DNAH7: variants seen among roughly 807,000 people sequenced by gnomAD.
DNAH7 encodes the protein dynein axonemal heavy chain 7, also known as axonemal beta dynein heavy chain 7.
DNAH7 carries 397 observed loss-of-function variants against 444.6 expected under a neutral mutation model. The observed-to-expected ratio is 0.89, with a 90% CI of 0.82 to 0.97. The LOEUF (loss-of-function observed/expected upper bound fraction) is 0.97. Ranked by LOEUF, DNAH7 falls within the 50% of genes least tolerant of loss-of-function variation. DNAH7 has a pLI of 0.00. For missense variants in DNAH7, 4,902 were observed against 4,800.8 expected (o/e 1.02, Z -0.62); for synonymous variants, 1,636 against 1,624.4 (o/e 1.01, Z -0.17).
In DNAH7 at chr2:195,794,399, A is replaced by G. The variant is rs762431772; in HGVS notation, c.10655T>C (p.Ile3552Thr). The G allele has an allele frequency of 2.3e-5, 37 of 1,614,044 alleles. No individual in the cohort carries two copies. The highest frequency in any genetic ancestry group is 3.1e-5 in the Non-Finnish European group (37 of 1,180,028). ...GATCGGGTCCATGAGGTATGATCGA[A>G]TGATATTAGCCCGTAAACCTTTTGG... ...EAPKGLRANI[I>T]RSYLMDPISD... Residue 3552 changes from isoleucine to threonine, a missense_variant, in exon 57 of 65, where the codon ATT becomes ACT. By Grantham distance (89) the Ile-to-Thr change is moderately conservative. Transcript: ENST00000312428.
intron 5 of DNAH7, among the ~76,000 whole-genome samples, chr2:196,040,810 T>C (rs1696694090): frequency 1.3e-5 from 2 of 151,922 alleles, no homozygotes; most frequent in Admixed American, 6.6e-5. Flanking sequence ...ATCTTATATT[T>C]AGAAAGAAAA....
rs759912480 is a variant in DNAH7 at position 195,806,817 on chromosome 2, C to T, written c.10099G>A (p.Val3367Ile). Residue 3367 changes from valine to isoleucine, a missense_variant, in exon 54 of 65, where the codon GTT (valine) becomes ATT (isoleucine). Transcript: ENST00000312428. The stretch of plus-strand genomic sequence containing the variant: ...TTATCTTCCCATTCTTCAGGGAAAA[C>T]CTCATGGTGTGGTTCCTAAAATTAC... ...VYDSLEPHHE[V>I]FPEEWEDKAN... 17 of 1,613,088 alleles carry T rather than the reference C, an allele frequency of 1.1e-5. No individual in the cohort carries two copies. The highest frequency in any genetic ancestry group is 1.7e-5 in the Admixed American group (1 of 59,952).
intron 47 of DNAH7, among the ~76,000 whole-genome samples, chr2:195,836,496 T>TAAA (rs200912135): frequency 6.9e-4 from 96 of 139,578 alleles, no homozygotes; most frequent in African/African-American, 2.4e-3. Flanking sequence ...GACCCTGTCT[T>TAAA]AAAAAAAAAA....
intron 55 of DNAH7, 120 bp from the exon 56 acceptor site, chr2:195,796,857 G>C (rs1221933376): frequency 1.9e-6 from 2 of 1,053,432 alleles, no homozygotes; most frequent in Admixed American, 2.8e-5. Flanking sequence ...GTCTCAAAAA[G>C]CCAAACACAT....
At chr2:195,851,140 G>A (rs1294841590) in intron 46 of DNAH7, among the ~76,000 whole-genome samples, 2 of 152,212 alleles carry the variant, frequency 1.3e-5, no homozygotes, top group African/African-American at 2.4e-5. Flanking sequence ...GAGCCCTGAT[G>A]TTTGCCATCC....
intron 54 of DNAH7, among the ~76,000 whole-genome samples, chr2:195,804,055 G>C (rs969365246): frequency 2.7e-4 from 26 of 95,212 alleles, no homozygotes; most frequent in Admixed American, 5.0e-4. Flanking sequence ...AGGGGAGAGG[G>C]GGGGAAGGAG....
intron 24 of DNAH7, among the ~76,000 whole-genome samples, chr2:195,917,780 A>G (rs187192573): frequency 2.0e-4 from 30 of 152,200 alleles, no homozygotes; most frequent in African/African-American, 6.7e-4. Context: ...TCAGCCTTCA[A>G]TGTAGCTAGG....
intron 10 of DNAH7, 97 bp downstream of exon 10, chr2:196,012,690 A>C: frequency 8.1e-7 from 1 of 1,236,112 alleles, no homozygotes; most frequent in South Asian, 1.5e-5. Flanking sequence ...ATGATTTAAA[A>C]CATTAAAATT....
intron 12 of DNAH7, among the ~76,000 whole-genome samples, chr2:195,990,049 G>A (rs1036392286): frequency 1.4e-4 from 21 of 152,236 alleles, no homozygotes; most frequent in African/African-American, 4.8e-4. Context: ...TTTATTCACT[G>A]CCTCCTTTGT....
chr2:196,008,250 C>T (rs1056643577), intron 10 of DNAH7, among the ~76,000 whole-genome samples: 15 of 151,734 alleles, frequency 9.9e-5, no homozygotes, highest in African/African-American at 3.6e-4. Context: ...TTCATAACCA[C>T]GAGGGTGGCT....
chr2:195,977,109 A>G (rs902935420), intron 15 of DNAH7, among the ~76,000 whole-genome samples: 1 of 152,178 alleles, frequency 6.6e-6, no homozygotes. Context: ...ACAAGCATCA[A>G]GACTGTCCAA....
At chr2:195,933,048 C>A (rs1030628576) in intron 21 of DNAH7, among the ~76,000 whole-genome samples, 1 of 152,148 alleles carries the variant, frequency 6.6e-6, no homozygotes, top group African/African-American at 2.4e-5. Context: ...CCATCTGGTC[C>A]TGGACTTTTT....
intron 9 of DNAH7, 27 bp from the exon 10 acceptor site, chr2:196,012,933 T>C: frequency 7.0e-7 from 1 of 1,421,890 alleles, no homozygotes; most frequent in Non-Finnish European, 9.3e-7. Flanking sequence ...TAAACAGTAA[T>C]TTAACAATGA....
intron 3 of DNAH7, among the ~76,000 whole-genome samples, chr2:196,050,337 G>T (rs997411404): frequency 6.6e-6 from 1 of 152,072 alleles, no homozygotes; most frequent in Admixed American, 6.5e-5. Context: ...GCCAGGAGGT[G>T]GGGGAGGGGA....
At chr2:195,940,766 A>G (rs1435645519) in intron 19 of DNAH7, among the ~76,000 whole-genome samples, 1 of 152,196 alleles carries the variant, frequency 6.6e-6, no homozygotes, top group East Asian at 1.9e-4. Context: ...CAAACCTATG[A>G]AAAAAAGCTC....
intron 17 of DNAH7, among the ~76,000 whole-genome samples, chr2:195,965,172 C>G (rs1285666546): frequency 6.6e-6 from 1 of 152,122 alleles, no homozygotes; most frequent in Non-Finnish European, 1.5e-5. Flanking sequence ...GGGTTTTCAT[C>G]ATGAAGTGAT....
intron 5 of DNAH7, among the ~76,000 whole-genome samples, chr2:196,030,149 G>A (rs896092346): frequency 6.6e-6 from 1 of 152,182 alleles, no homozygotes; most frequent in Non-Finnish European, 1.5e-5. Flanking sequence ...CATGTGGTTA[G>A]GGAGGCCTCA....
chr2:195,842,010 A>T (rs983252570), intron 47 of DNAH7, among the ~76,000 whole-genome samples: 1 of 152,232 alleles, frequency 6.6e-6, no homozygotes, highest in Middle Eastern at 3.4e-3. Context: ...TTACACACAC[A>T]TAAATTCATA....
intron 24 of DNAH7, among the ~76,000 whole-genome samples, chr2:195,911,688 G>A (rs1687367474): frequency 6.6e-6 from 1 of 152,170 alleles, no homozygotes; most frequent in Non-Finnish European, 1.5e-5. Flanking sequence ...AGAATAACGA[G>A]TTTTAAGGGC....
Sources: allele counts gnomAD v4.1 joint callset (sites outside exome capture counted in the v4.1 genomes callset), GRCh38; gene constraint gnomAD v4.1.1; transcripts MANE v1.5; gene names NCBI Gene and HGNC (gene_info 2026-07-23, HGNC 2026-07-21).